PDGFC: variants seen among roughly 807,000 people sequenced by gnomAD.
PDGFC encodes platelet-derived growth factor C.
PDGFC carries 12 observed loss-of-function variants against 35.5 expected under a neutral mutation model. The observed-to-expected ratio is 0.34, with a 90% confidence interval of 0.22 to 0.55. PDGFC has a LOEUF of 0.55. Among genes scored for constraint, PDGFC ranks in the 20% least tolerant of loss-of-function variants. The pLI is 0.91. For missense variants in PDGFC, 322 were observed against 412.4 expected (o/e 0.78, Z 1.90); for synonymous variants, 159 against 148.8 (o/e 1.07, Z -0.50).
intron 1 of PDGFC, among the ~76,000 whole-genome samples, chr4:156,951,321 A>C (rs1295406120): frequency 6.6e-6 from 1 of 151,916 alleles, no homozygotes; most frequent in Admixed American, 6.6e-5. Context: ...ATGCAGGCAA[A>C]TAGTTTAAAG....
chr4:156,963,143 G>C (rs1217165561), intron 1 of PDGFC, among the ~76,000 whole-genome samples: 1 of 151,890 alleles, frequency 6.6e-6, no homozygotes, highest in East Asian at 1.9e-4. Context: ...ATACCTCAGT[G>C]GACTAAGAAA....
At chr4:156,799,403 A>T (rs1731536029) in intron 3 of PDGFC, among the ~76,000 whole-genome samples, 1 of 152,170 alleles carries the variant, frequency 6.6e-6, no homozygotes, top group Admixed American at 6.5e-5. Flanking sequence ...AAGCCGAAAA[A>T]AAAATTGTAT....
At chr4:156,965,552 T>C (rs1732445660) in intron 1 of PDGFC, among the ~76,000 whole-genome samples, 1 of 152,134 alleles carries the variant, frequency 6.6e-6, no homozygotes. Flanking sequence ...AGGAAGTGAA[T>C]CATTTAATCT....
intron 1 of PDGFC, among the ~76,000 whole-genome samples, chr4:156,853,542 T>C (rs1579056704): frequency 6.6e-6 from 1 of 152,230 alleles, no homozygotes; most frequent in South Asian, 2.1e-4. Context: ...CTATTGGCTG[T>C]AATAATATAT....
At chr4:156,862,360 TAGAA>T (rs1247038039) in intron 1 of PDGFC, among the ~76,000 whole-genome samples, 2 of 152,150 alleles carry the variant, frequency 1.3e-5, no homozygotes, top group African/African-American at 4.8e-5. Context: ...TCAAAGCTAA[TAGAA>T]AGGCATGAGG....
At chr4:156,941,011 T>G (rs1005795351) in intron 1 of PDGFC, among the ~76,000 whole-genome samples, 1 of 152,178 alleles carries the variant, frequency 6.6e-6, no homozygotes, top group Non-Finnish European at 1.5e-5. Flanking sequence ...GTGGTAACTA[T>G]CAATAGATAT....
intron 1 of PDGFC, among the ~76,000 whole-genome samples, chr4:156,946,135 G>A (rs1731941581): frequency 6.6e-6 from 1 of 151,970 alleles, no homozygotes; most frequent in African/African-American, 2.4e-5. Flanking sequence ...AGACAGAACT[G>A]TGAATCCTAC....
intron 1 of PDGFC, among the ~76,000 whole-genome samples, chr4:156,927,217 A>T (rs1387287010): frequency 1.3e-5 from 2 of 151,840 alleles, no homozygotes; most frequent in African/African-American, 4.8e-5. Context: ...CCAGGAAACC[A>T]TTTTTTCCTC....
intron 3 of PDGFC, among the ~76,000 whole-genome samples, chr4:156,780,360 C>T (rs1400847242): frequency 6.6e-6 from 1 of 152,092 alleles, no homozygotes; most frequent in African/African-American, 2.4e-5. Context: ...AAGAAAAACA[C>T]ACCTTCACTG....
At chr4:156,826,332 A>G (rs2111004921) in intron 2 of PDGFC, among the ~76,000 whole-genome samples, 1 of 151,526 alleles carries the variant, frequency 6.6e-6, no homozygotes, top group Non-Finnish European at 1.5e-5. Context: ...AGCTGTGAGT[A>G]GCTGGGATGA....
chr4:156,903,545 A>G (rs1375369307), intron 1 of PDGFC, among the ~76,000 whole-genome samples: 2 of 152,136 alleles, frequency 1.3e-5, no homozygotes, highest in African/African-American at 4.8e-5. Context: ...ATGATTTAAA[A>G]TTTAAAACTA....
chr4:156,898,866 A>T (rs958923486), intron 1 of PDGFC, among the ~76,000 whole-genome samples: 2 of 152,176 alleles, frequency 1.3e-5, no homozygotes, highest in Non-Finnish European at 2.9e-5. Context: ...CATGTTTTCT[A>T]GGCTGGTCTT....
At chr4:156,880,830 C>T (rs928934438) in intron 1 of PDGFC, among the ~76,000 whole-genome samples, 1 of 151,144 alleles carries the variant, frequency 6.6e-6, no homozygotes, top group Admixed American at 6.6e-5. Context: ...TATAATAAAA[C>T]CTGAATGGAT....
intron 1 of PDGFC, among the ~76,000 whole-genome samples, chr4:156,853,795 C>CT (rs1336126141): frequency 6.6e-6 from 1 of 151,916 alleles, no homozygotes; most frequent in Admixed American, 6.6e-5. Flanking sequence ...AACCTTGTCT[C>CT]TAGAAAAAAT....
chr4:156,840,559 C>T (rs920123527), intron 2 of PDGFC, among the ~76,000 whole-genome samples: 9 of 152,308 alleles, frequency 5.9e-5, no homozygotes, highest in African/African-American at 1.2e-4. Context: ...AGTTGAATCC[C>T]CTACAGAAAG....
At chr4:156,797,330 A>G (rs539839802) in intron 3 of PDGFC, among the ~76,000 whole-genome samples, 7 of 152,122 alleles carry the variant, frequency 4.6e-5, no homozygotes, top group South Asian at 2.1e-4. Context: ...TAAGGAGCAC[A>G]CTCACCCCTC....
intron 3 of PDGFC, among the ~76,000 whole-genome samples, chr4:156,804,219 C>T (rs113862443): frequency 9.3e-5 from 14 of 150,766 alleles, no homozygotes; most frequent in Middle Eastern, 3.4e-3. Context: ...AATAAATAAA[C>T]AAATAAATAA....
chr4:156,862,672 T>C (rs564797589), intron 1 of PDGFC, among the ~76,000 whole-genome samples: 4 of 152,080 alleles, frequency 2.6e-5, no homozygotes, highest in African/African-American at 7.2e-5. Flanking sequence ...CTCTATTTTA[T>C]AGTCACCTTA....
At chr4:156,895,390 T>C (rs1401665887) in intron 1 of PDGFC, among the ~76,000 whole-genome samples, 1 of 152,134 alleles carries the variant, frequency 6.6e-6, no homozygotes, top group Non-Finnish European at 1.5e-5. Context: ...ATCCCAGCAC[T>C]TTGGGAGGCT....
Sources: gnomAD v4.1 joint callset for allele counts (sites outside exome capture counted in the v4.1 genomes callset) on GRCh38, gnomAD v4.1.1 for gene constraint, MANE v1.5 for transcripts, NCBI Gene and HGNC (gene_info 2026-07-23, HGNC 2026-07-21) for gene names.